The following CPNE4 variants were observed in gnomAD, a reference collection of about 807,000 sequenced individuals.
CPNE4 encodes the protein copine 4.
Under a neutral mutation model 67.9 loss-of-function variants are expected in CPNE4, and 25 were observed. The observed-to-expected ratio is 0.37, with a 90% CI of 0.27 to 0.51. The LOEUF is 0.51. Ranked by LOEUF, CPNE4 falls within the 20% of genes least tolerant of loss-of-function variation. CPNE4 has a pLI of 0.93. For missense variants in CPNE4, 464 were observed against 690.8 expected (o/e 0.67, Z 3.68); for synonymous variants, 242 against 244.9 (o/e 0.99, Z 0.11).
chr3:131,621,852 C>CAAA (rs57656411), intron 7 of CPNE4, among the ~76,000 whole-genome samples: 2,885 of 142,206 alleles, frequency 0.02, 34 homozygotes, highest in East Asian at 0.045. Context: ...ACAAAAAATA[C>CAAA]AAAAAAAAAA....
chr3:131,737,436 T>G (rs1231571668), intron 2 of CPNE4, among the ~76,000 whole-genome samples: 1 of 152,174 alleles, frequency 6.6e-6, no homozygotes, highest in African/African-American at 2.4e-5. Context: ...AATGAAGGGA[T>G]GACATTGCTG....
intron 7 of CPNE4, among the ~76,000 whole-genome samples, chr3:131,589,726 T>C (rs1361111554): frequency 6.6e-6 from 1 of 152,236 alleles, no homozygotes; most frequent in Non-Finnish European, 1.5e-5. Flanking sequence ...GAAAAACTAA[T>C]TTCTCAGCTT....
At chr3:131,844,299 C>T (rs896892550) in intron 2 of CPNE4, among the ~76,000 whole-genome samples, 6 of 149,796 alleles carry the variant, frequency 4.0e-5, no homozygotes, top group Admixed American at 2.0e-4. Flanking sequence ...CTCGCTCCGT[C>T]ACCCAGGCTG....
Position 132,005,342 on chromosome 3 carries a change from TAC to T in CPNE4, c.-2+29223_-2+29224del, listed in dbSNP as rs71639016. ...ATATATATATATATATATATATATA[TAC>T]ACACACACACACACACACACACACA... is the stretch of plus-strand genomic sequence containing the variant. On this transcript the variant is annotated intron_variant, in intron 1 of 15. Coordinates refer to ENST00000429747, the MANE Select transcript of CPNE4 (RefSeq NM_130808.3). 7.2e-3 allele frequency among the ~76,000 whole-genome samples: 617 copies of T among 85,974 alleles called. 6 individuals carry two copies. The highest frequency in any genetic ancestry group is 0.011 in the South Asian group (26 of 2,312). The allele number at this position is 85,974 out of a possible 152,430, so 56.4% of individuals were successfully genotyped here.
At chr3:131,862,971 T>C (rs2086757583) in intron 2 of CPNE4, among the ~76,000 whole-genome samples, 1 of 148,730 alleles carries the variant, frequency 6.7e-6, no homozygotes, top group South Asian at 2.1e-4. Context: ...TGGTTTTTTG[T>C]CCTTATGATA....
At chr3:131,767,879 G>T (rs984850280) in intron 2 of CPNE4, among the ~76,000 whole-genome samples, 10 of 151,950 alleles carry the variant, frequency 6.6e-5, no homozygotes, top group African/African-American at 1.9e-4. Context: ...CTACACCCTG[G>T]TATTCTATTT....
intron 7 of CPNE4, among the ~76,000 whole-genome samples, chr3:131,661,991 T>C (rs1382457646): frequency 1.3e-5 from 2 of 152,066 alleles, no homozygotes; most frequent in Admixed American, 6.6e-5. Context: ...TGGGGCTGAA[T>C]TGGGATCAAT....
chr3:131,968,396 G>T (rs1369061679), intron 1 of CPNE4, among the ~76,000 whole-genome samples: 1 of 152,164 alleles, frequency 6.6e-6, no homozygotes, highest in Non-Finnish European at 1.5e-5. Context: ...CACAGCAAAA[G>T]AAACTGTCAT....
At chr3:131,796,294 G>A (rs2083916823) in intron 2 of CPNE4, among the ~76,000 whole-genome samples, 1 of 152,146 alleles carries the variant, frequency 6.6e-6, no homozygotes, top group Non-Finnish European at 1.5e-5. Flanking sequence ...TAACGACGTA[G>A]CAGGGTTAGT....
chr3:131,949,616 GCTA>G (rs775372849), intron 1 of CPNE4, among the ~76,000 whole-genome samples: 3 of 152,084 alleles, frequency 2.0e-5, no homozygotes, highest in Admixed American at 6.5e-5. Flanking sequence ...AAGAACATCT[GCTA>G]CTACTATTTA....
rs2074310101 is a variant in CPNE4, at chr3:132,034,743, A to T, written c.-178T>A. On this transcript the variant is annotated 5_prime_UTR_variant, in exon 1 of 16. Transcript: ENST00000429747. ...CGTCCTCCGAGGTCAGTTTAGCAAC[A>T]GCGGCTGGGAAAGGTGCTGAGAGCA... 6 of 984,866 alleles carry T rather than the reference A, an allele frequency of 6.1e-6. No homozygotes were observed. The South Asian group carries it at 2.4e-4, about 39-fold the overall frequency. 61.0% of individuals were successfully genotyped at this position (984,866 alleles called of 1,614,324 possible).
chr3:131,598,295 GCTCT>G (rs1236834385), intron 7 of CPNE4, among the ~76,000 whole-genome samples: 1 of 152,142 alleles, frequency 6.6e-6, no homozygotes, highest in Non-Finnish European at 1.5e-5. Context: ...TGGAATGAAT[GCTCT>G]CTGAGATCCT....
At chr3:131,720,687 C>T (rs1346068330) in intron 3 of CPNE4, among the ~76,000 whole-genome samples, 2 of 152,202 alleles carry the variant, frequency 1.3e-5, no homozygotes, top group Admixed American at 1.3e-4. Context: ...TTGCATTACA[C>T]TGCTCTCAGA....
rs763509045 is a variant in CPNE4, at chr3:132,001,553, GAGAAAGAAAGAAAGAAAGAAAGAA to G, written c.-2+32990_-2+33013del. 1.3e-3 allele frequency among the ~76,000 whole-genome samples: 132 copies of G among 101,858 alleles called. 1 individual carries two copies. The highest frequency in any genetic ancestry group is 6.4e-3 in the South Asian group (16 of 2,516). The allele number at this position is 101,858 out of a possible 152,430, so 66.8% of individuals were successfully genotyped here. A position where few individuals can be genotyped will look rare whatever the true frequency, so the allele number is the denominator to read the frequency against. On this transcript the variant is annotated intron_variant, in intron 1 of 15. Transcript: ENST00000429747. ...GAGAAAGAAAGAGACAAAGAAAAAA[GAGAAAGAAAGAAAGAAAGAAAGAA>G]AGAAAGAAAGAAAGAAAGAAAGAAA... is the stretch of plus-strand genomic sequence containing the variant.
intron 7 of CPNE4, among the ~76,000 whole-genome samples, chr3:131,605,180 A>G (rs1171059342): frequency 2.0e-5 from 3 of 152,190 alleles, no homozygotes; most frequent in East Asian, 1.9e-4. Context: ...CTTTGAATGA[A>G]TAGTTTTTGA....
intron 2 of CPNE4, among the ~76,000 whole-genome samples, chr3:131,786,169 A>G (rs1474881662): frequency 2.0e-5 from 3 of 152,090 alleles, no homozygotes; most frequent in African/African-American, 7.2e-5. Flanking sequence ...TTCTGCCCAG[A>G]AATCTGGCTT....
rs573928883 is a variant in CPNE4, at chr3:132,018,793, C to T, written c.-2+15774G>A. ...TAGAGGAGATTATGGCTTTAATATA[C>T]CACATCATTGTCATGAAATTGAAAA... is the stretch of plus-strand genomic sequence containing the variant. On this transcript the variant is annotated intron_variant, in intron 1 of 15. Transcript: ENST00000429747. 1.5e-3 allele frequency among the ~76,000 whole-genome samples: 221 copies of T among 152,268 alleles called. 2 individuals are homozygous for T. The highest frequency in any genetic ancestry group is 2.6e-3 in the Non-Finnish European group (175 of 68,026).
At chr3:131,548,451 A>C (rs760147639) in intron 14 of CPNE4, among the ~76,000 whole-genome samples, 6 of 152,068 alleles carry the variant, frequency 3.9e-5, no homozygotes, top group Non-Finnish European at 2.9e-5. Flanking sequence ...GATGGGTACT[A>C]AGAAGAAAAG....
At chr3:131,934,192 T>G (rs2071152173) in intron 1 of CPNE4, among the ~76,000 whole-genome samples, 2 of 152,118 alleles carry the variant, frequency 1.3e-5, no homozygotes, top group Admixed American at 6.6e-5. Context: ...CAAAAGTAAC[T>G]ATTTGAATTT....
Sources: gnomAD v4.1 joint callset for allele counts (sites outside exome capture counted in the v4.1 genomes callset) on GRCh38, gnomAD v4.1.1 for gene constraint, MANE v1.5 for transcripts, NCBI Gene and HGNC (gene_info 2026-07-23, HGNC 2026-07-21) for gene names.